Variants in MYO3B observed in about 807,000 individuals in gnomAD.
MYO3B encodes the protein myosin-IIIb.
Under a neutral mutation model 174.6 loss-of-function variants are expected in MYO3B, and 156 were observed. That is an observed-to-expected ratio of 0.89 (90% CI 0.78 to 1.02). The LOEUF is 1.02. Among genes scored for constraint, MYO3B ranks in the 50% least tolerant of loss-of-function variants. The pLI is 0.00. For synonymous variants in MYO3B, 563 were observed against 569.1 expected (o/e 0.99, Z 0.15); for missense variants, 1,632 against 1,639.4 (o/e 1.00, Z 0.08).
At chr2:170,407,523 T>C (rs1163600018) in intron 21 of MYO3B, among the ~76,000 whole-genome samples, 192 bp from the exon 22 acceptor site, 1 of 149,798 alleles carries the variant, frequency 6.7e-6, no homozygotes, top group Non-Finnish European at 1.5e-5. Flanking sequence ...CCAAAGCAAC[T>C]AGACAATAAG....
At chr2:170,238,591 T>A (rs1249485041) in intron 7 of MYO3B, among the ~76,000 whole-genome samples, 5 of 152,204 alleles carry the variant, frequency 3.3e-5, no homozygotes, top group African/African-American at 1.2e-4. Flanking sequence ...CTCACTGACC[T>A]TTTCCCGGCA....
At chr2:170,390,398 A>G (rs2094404100) in intron 14 of MYO3B, among the ~76,000 whole-genome samples, 1 of 152,268 alleles carries the variant, frequency 6.6e-6, no homozygotes, top group African/African-American at 2.4e-5. Flanking sequence ...ACTGCACTCC[A>G]GCCTGGACAA....
At chr2:170,355,429 C>A (rs937891877) in intron 8 of MYO3B, among the ~76,000 whole-genome samples, 14 of 152,200 alleles carry the variant, frequency 9.2e-5, no homozygotes, top group Admixed American at 2.6e-4. Context: ...TGTGGGTAGA[C>A]ACAATGCCAG....
At chr2:170,331,780 G>T (rs997918940) in intron 7 of MYO3B, among the ~76,000 whole-genome samples, 2 of 152,180 alleles carry the variant, frequency 1.3e-5, no homozygotes, top group Non-Finnish European at 2.9e-5. Context: ...GATATCGGCT[G>T]AGGCCCGTTT....
At chr2:170,400,402 C>A in intron 17 of MYO3B, 88 bp downstream of exon 17, 1 of 1,000,798 alleles carries the variant, frequency 1.0e-6, no homozygotes, top group Non-Finnish European at 1.3e-6. Context: ...TTTGCTGGTC[C>A]TTTTTTTTTT....
chr2:170,398,811 G>T (rs1264349335), intron 16 of MYO3B, among the ~76,000 whole-genome samples: 1 of 152,204 alleles, frequency 6.6e-6, no homozygotes, highest in Non-Finnish European at 1.5e-5. Flanking sequence ...GCATACTCGA[G>T]TCCTGCAGTC....
At chr2:170,602,316 A>C (rs11885922) in intron 32 of MYO3B, 103 of 699,256 alleles carry the variant, frequency 1.5e-4, no homozygotes, top group Non-Finnish European at 1.6e-4. Context: ...GTGGAGCTCA[A>C]TGTACTGCAG....
chr2:170,199,184 A>G, intron 1 of MYO3B, 24 bp from the exon 2 acceptor site: 3 of 1,553,906 alleles, frequency 1.9e-6, no homozygotes, highest in Non-Finnish European at 2.6e-6. Context: ...TCTGTTGCAC[A>G]TAACAAATTT....
intron 25 of MYO3B, among the ~76,000 whole-genome samples, chr2:170,498,036 C>T (rs1259278769): frequency 6.7e-6 from 1 of 150,124 alleles, no homozygotes; most frequent in East Asian, 2.0e-4. Flanking sequence ...TAGAAGTTCA[C>T]TAAAATGAAG....
At chr2:170,520,192 A>G (rs1688586512) in intron 30 of MYO3B, among the ~76,000 whole-genome samples, 1 of 152,038 alleles carries the variant, frequency 6.6e-6, no homozygotes, top group African/African-American at 2.4e-5. Flanking sequence ...GTTGGCATCT[A>G]ATGGGCAGAA....
At chr2:170,324,932 C>A (rs1190984931) in intron 7 of MYO3B, among the ~76,000 whole-genome samples, 2 of 152,138 alleles carry the variant, frequency 1.3e-5, no homozygotes, top group African/African-American at 2.4e-5. Flanking sequence ...TTCAAAGGCA[C>A]CCCAGCAGGT....
chr2:170,542,519 A>G (rs1007473658), intron 30 of MYO3B, among the ~76,000 whole-genome samples: 4 of 152,216 alleles, frequency 2.6e-5, no homozygotes, highest in African/African-American at 9.6e-5. Flanking sequence ...TACGGAATCC[A>G]TTTTAAGTTC....
chr2:170,466,723 A>G lies in MYO3B; in HGVS notation c.3014+12A>G. On this transcript the variant is annotated intron_variant, in intron 25 of 34. Transcript: ENST00000408978. ...GAATTTGTGAAAAGGTCAGACCGTC[A>G]TCTACGGGAATGCATTCTTATAAAT... 1 of 1,612,464 alleles carries G rather than the reference A, an allele frequency of 6.2e-7. No homozygotes were observed. The highest frequency in any genetic ancestry group is 8.5e-7 in the Non-Finnish European group (1 of 1,178,758).
chr2:170,265,014 G>A (rs1026967596), intron 7 of MYO3B, among the ~76,000 whole-genome samples: 2 of 152,140 alleles, frequency 1.3e-5, no homozygotes, highest in African/African-American at 4.8e-5. Flanking sequence ...TAATTGTTGA[G>A]GGCAGAGTTT....
In MYO3B at chr2:170,400,193, G is replaced by A. The variant is rs779761919; in HGVS notation, c.1797G>A (p.Val599=). The change falls in exon 17 of 35, where the codon GTG becomes GTA. Residue 599 remains valine, a synonymous_variant. Transcript: ENST00000408978. ...GTTCTTGATGTCCTTTTCAGGAGGT[G>A]CACTCAGTGTACAGAATTTTGGCTG... The part of the protein sequence containing the change: ...FRIIGFTDKE[V]HSVYRILAGI... 20 of 1,613,962 alleles carry A rather than the reference G, an allele frequency of 1.2e-5. No homozygotes were observed. Among genetic ancestry groups the A allele is most frequent in the Non-Finnish European group, 1.6e-5 (19 of 1,179,948 alleles).
chr2:170,228,973 A>C lies in MYO3B; in HGVS notation c.604-7018A>C, dbSNP rs576138026. ...ATATTCCCTTTACAAAAAAAAAAAA[A>C]AAAAAAAACAACGAATCTCAAATGT... On this transcript the variant is annotated intron_variant, in intron 6 of 34. Coordinates refer to ENST00000408978, the MANE Select transcript of MYO3B (RefSeq NM_138995.5). Among the ~76,000 whole-genome samples, 70 of 151,538 alleles carry C rather than the reference A, an allele frequency of 4.6e-4. No individual in the cohort carries two copies. The South Asian group carries it at 6.9e-3, about 15-fold the overall frequency.
chr2:170,258,453 G>GA lies in MYO3B; in HGVS notation c.749+22323dup, dbSNP rs1055494106. Among the ~76,000 whole-genome samples the GA allele has an allele frequency of 9.2e-5, 14 of 151,994 alleles. No homozygotes were observed. The East Asian group carries it at 9.6e-4, about 10-fold the overall frequency. Reference sequence around the variant, plus strand: ...ATTCACCACATAAACAGAATTAAAAGAAAAAATCATATGATCATCTCAATA... The same window carrying GA: ...ATTCACCACATAAACAGAATTAAAAGAAAAAAATCATATGATCATCTCAATA... On this transcript the variant is annotated intron_variant, in intron 7 of 34. Transcript: ENST00000408978.
At chr2:170,420,057 C>T (rs1225487307) in intron 22 of MYO3B, among the ~76,000 whole-genome samples, 1 of 152,058 alleles carries the variant, frequency 6.6e-6, no homozygotes. Context: ...GTGATGCATG[C>T]CTGTAGTCCC....
At chr2:170,258,976 C>T (rs180757018) in intron 7 of MYO3B, among the ~76,000 whole-genome samples, 2 of 151,644 alleles carry the variant, frequency 1.3e-5, no homozygotes, top group Non-Finnish European at 3.0e-5. Context: ...AATACACACA[C>T]ACAACCTAGG....
Sources: allele counts gnomAD v4.1 joint callset (sites outside exome capture counted in the v4.1 genomes callset), GRCh38; gene constraint gnomAD v4.1.1; transcripts MANE v1.5; gene names NCBI Gene and HGNC (gene_info 2026-07-23, HGNC 2026-07-21).